Variants in MAF observed in about 807,000 individuals in gnomAD.
The protein encoded by MAF is transcription factor Maf.
Under a neutral mutation model 22.0 loss-of-function variants are expected in MAF, and 10 were observed. That is an observed-to-expected ratio of 0.45 (90% CI 0.28 to 0.77). MAF has a LOEUF of 0.77. MAF is among the 30% of genes least tolerant of loss of function. The pLI, the probability that MAF is intolerant of heterozygous loss-of-function variation, is 0.12. For synonymous variants in MAF, 337 were observed against 255.8 expected, an observed-to-expected ratio of 1.32 and a Z score of -3.03; for missense variants, 544 against 548.4, an observed-to-expected ratio of 0.99 and a Z score of 0.08.
At chr16:79,493,705 G>A in the MAF span, among the ~76,000 whole-genome samples, 1 of 152,202 alleles carries the variant, frequency 6.6e-6, no homozygotes, top group Non-Finnish European at 1.5e-5. Context: ...AAAGGGTGGA[G>A]CTAATGACAG....
the MAF span, among the ~76,000 whole-genome samples, chr16:79,539,867 T>C: frequency 6.6e-6 from 1 of 152,222 alleles, no homozygotes; most frequent in Non-Finnish European, 1.5e-5. Context: ...TGCAAAAAGA[T>C]TCTCCGAGGT....
At chr16:79,553,855 G>T in the MAF span, among the ~76,000 whole-genome samples, 1 of 152,134 alleles carries the variant, frequency 6.6e-6, no homozygotes, top group Non-Finnish European at 1.5e-5. Flanking sequence ...TTGGGAGGCC[G>T]AGGCGGGTGG....
At chr16:79,467,815 G>C in the MAF span, among the ~76,000 whole-genome samples, 2 of 151,928 alleles carry the variant, frequency 1.3e-5, no homozygotes, top group African/African-American at 4.8e-5. Flanking sequence ...CACATACTAG[G>C]CACTTAATAA....
the MAF span, among the ~76,000 whole-genome samples, chr16:79,392,007 A>G: frequency 6.7e-6 from 1 of 150,060 alleles, no homozygotes; most frequent in African/African-American, 2.5e-5. Context: ...AGGGAGAGAC[A>G]GAGTAAGGAA....
intron 1 of MAF, chr16:79,586,032 T>C (rs534884262): frequency 9.5e-5 from 56 of 589,216 alleles, no homozygotes; most frequent in Middle Eastern, 7.6e-4. Flanking sequence ...AGCCTAACTA[T>C]CTATCAAAAG....
chr16:79,308,933 G>T, the MAF span, among the ~76,000 whole-genome samples: 2 of 152,178 alleles, frequency 1.3e-5, no homozygotes, highest in Non-Finnish European at 2.9e-5. Context: ...GGGCCCTTCT[G>T]GGGTGATGGG....
the MAF span, among the ~76,000 whole-genome samples, chr16:79,367,106 C>T: frequency 6.6e-6 from 1 of 152,268 alleles, no homozygotes; most frequent in East Asian, 1.9e-4. Flanking sequence ...TTGATTCTCC[C>T]TGAGGGTGCA....
the MAF span, among the ~76,000 whole-genome samples, chr16:79,535,604 T>TC: frequency 6.7e-6 from 1 of 149,298 alleles, no homozygotes; most frequent in East Asian, 2.0e-4. Flanking sequence ...TTTTTTTTTT[T>TC]CCGAGACAGA....
chr16:79,573,507 C>T, the MAF span, among the ~76,000 whole-genome samples: 26 of 152,310 alleles, frequency 1.7e-4, no homozygotes, highest in South Asian at 5.4e-3. Context: ...AAGCATTGAT[C>T]AAACAGGACC....
the MAF span, among the ~76,000 whole-genome samples, chr16:79,250,846 C>T: frequency 3.3e-5 from 5 of 152,138 alleles, no homozygotes; most frequent in Non-Finnish European, 1.5e-5. Flanking sequence ...TGCCTGGGAC[C>T]AAGGGGATGT....
the MAF span, among the ~76,000 whole-genome samples, chr16:79,567,978 C>A: frequency 6.6e-6 from 1 of 152,144 alleles, no homozygotes; most frequent in Admixed American, 6.5e-5. Flanking sequence ...TCGACAGACT[C>A]CAGAGCTTAG....
chr16:79,502,728 T>TAA, the MAF span, among the ~76,000 whole-genome samples: 4 of 103,344 alleles, frequency 3.9e-5, no homozygotes, highest in African/African-American at 2.4e-4. Flanking sequence ...TATATATATA[T>TAA]ATATATATAT....
the MAF span, among the ~76,000 whole-genome samples, chr16:79,292,801 C>A: frequency 3.3e-5 from 5 of 152,146 alleles, no homozygotes; most frequent in Non-Finnish European, 5.9e-5. Flanking sequence ...ATGATAGTAA[C>A]CTCTGGTCGT....
At chr16:79,327,768 C>A in the MAF span, among the ~76,000 whole-genome samples, 1 of 152,108 alleles carries the variant, frequency 6.6e-6, no homozygotes, top group Non-Finnish European at 1.5e-5. Flanking sequence ...TTCACAAGTC[C>A]CTGAGGAAGA....
In MAF at chr16:79,598,734, C is replaced by A. The variant is rs760761827; in HGVS notation, c.1118+51G>T. 6 of 1,612,126 alleles carry A rather than the reference C, an allele frequency of 3.7e-6. No individual in the cohort carries two copies. In the South Asian group the frequency reaches 6.6e-5, roughly 18 times the overall value. ...AGCAAGCCCACACCCGAGCCGGACC[C>A]CCGCGGAGCACTTATCAGGGTGGCT... is the stretch of plus-strand genomic sequence containing the variant. On this transcript the variant is annotated intron_variant, in intron 1 of 1. Transcript: ENST00000326043.
chr16:79,285,913 G>A, the MAF span, among the ~76,000 whole-genome samples: 1 of 152,220 alleles, frequency 6.6e-6, no homozygotes, highest in Non-Finnish European at 1.5e-5. Context: ...AACTGGCTGA[G>A]CCAAAGGGGC....
chr16:79,574,586 T>C, the MAF span, among the ~76,000 whole-genome samples: 2 of 152,164 alleles, frequency 1.3e-5, no homozygotes, highest in Non-Finnish European at 2.9e-5. Context: ...GGAAGACCTC[T>C]GACCATAGCT....
intron 1 of MAF, among the ~76,000 whole-genome samples, chr16:79,587,779 T>C (rs183324203): frequency 7.4e-4 from 112 of 151,912 alleles, no homozygotes; most frequent in Admixed American, 1.8e-3. Flanking sequence ...GATGTCCTTT[T>C]TAGATCATTG....
the MAF span, among the ~76,000 whole-genome samples, chr16:79,485,736 C>T: frequency 0.73 from 111,396 of 152,088 alleles, 41,772 homozygotes; most frequent in East Asian, 0.83. Flanking sequence ...CGGGTTCCTC[C>T]TGAATCTTCC....
Sources: allele counts gnomAD v4.1 joint callset (sites outside exome capture counted in the v4.1 genomes callset), GRCh38; gene constraint gnomAD v4.1.1; transcripts MANE v1.5; gene names NCBI Gene and HGNC (gene_info 2026-07-23, HGNC 2026-07-21).